CTNNA3: variants seen among roughly 807,000 people sequenced by gnomAD.
The protein encoded by CTNNA3 is catenin alpha-3.
In CTNNA3, 76 loss-of-function variants were observed where a neutral mutation model predicts 95.7. The ratio of observed to expected loss-of-function variants is 0.79; its 90% CI spans 0.66 to 0.96. CTNNA3 has a LOEUF of 0.96. Ranked by LOEUF, CTNNA3 falls within the 40% of genes least tolerant of loss-of-function variation. CTNNA3 has a pLI of 0.00. For synonymous variants in CTNNA3, 431 were observed against 374.4 expected (o/e 1.15, Z -1.74); for missense variants, 1,191 against 1,089.8 (o/e 1.09, Z -1.31).
chr10:66,070,543 T>G (rs2080413400), intron 14 of CTNNA3, among the ~76,000 whole-genome samples: 1 of 152,182 alleles, frequency 6.6e-6, no homozygotes, highest in Non-Finnish European at 1.5e-5. Flanking sequence ...TCTGTGATTC[T>G]ATTTATTAGA....
chr10:67,100,828 A>G lies in CTNNA3; in HGVS notation c.1047+79489T>C, dbSNP rs943700884. On this transcript the variant is annotated intron_variant, in intron 7 of 17. Transcript: ENST00000433211. ...AGAAATTGAGCTCTTACCCCAAAAC[A>G]CAGGGCCAATAATTGGTGCAGTTGA... is the stretch of plus-strand genomic sequence containing the variant. Among the ~76,000 whole-genome samples the G allele has an allele frequency of 7.9e-5, 12 of 151,760 alleles. 1 individual carries two copies. The East Asian group carries it at 1.9e-3, about 25-fold the overall frequency.
intron 13 of CTNNA3, among the ~76,000 whole-genome samples, chr10:66,236,959 T>TA (rs57353041): frequency 0.34 from 50,395 of 148,522 alleles, 8,986 homozygotes; most frequent in East Asian, 0.43. Flanking sequence ...CACTAAAAAT[T>TA]AAAAAAAAAA....
At chr10:66,902,350 TG>T (rs1845787695) in intron 7 of CTNNA3, among the ~76,000 whole-genome samples, 2 of 152,032 alleles carry the variant, frequency 1.3e-5, no homozygotes, top group African/African-American at 4.8e-5. Context: ...AAAGACACAA[TG>T]TACCAGAATT....
chr10:66,962,896 G>A, intron 7 of CTNNA3, among the ~76,000 whole-genome samples: 1 of 152,024 alleles, frequency 6.6e-6, no homozygotes, highest in South Asian at 2.1e-4. Context: ...CCCCATAAAG[G>A]CTGAGATTTT....
chr10:66,370,807 T>C (rs1351829023), intron 12 of CTNNA3, among the ~76,000 whole-genome samples: 1 of 152,284 alleles, frequency 6.6e-6, no homozygotes, highest in East Asian at 1.9e-4. Context: ...ACTCCTGGGC[T>C]CAAGTGATCC....
At chr10:66,835,044 T>C (rs1842843841) in intron 7 of CTNNA3, among the ~76,000 whole-genome samples, 1 of 152,066 alleles carries the variant, frequency 6.6e-6, no homozygotes, top group African/African-American at 2.4e-5. Flanking sequence ...TCTGACACAA[T>C]AGCAAAGTAC....
At chr10:67,279,727 C>T (rs551599095) in intron 5 of CTNNA3, among the ~76,000 whole-genome samples, 8 of 150,312 alleles carry the variant, frequency 5.3e-5, no homozygotes, top group Admixed American at 1.3e-4. Context: ...ATTGGGGTCC[C>T]GAGTTTCTAC....
chr10:65,972,750 C>T (rs1330125518), intron 16 of CTNNA3, among the ~76,000 whole-genome samples: 2 of 151,992 alleles, frequency 1.3e-5, no homozygotes, highest in African/African-American at 4.8e-5. Context: ...GAATGAATAT[C>T]GTTAAAATGG....
chr10:67,481,551 A>G (rs576572611), intron 5 of CTNNA3, among the ~76,000 whole-genome samples: 1 of 152,262 alleles, frequency 6.6e-6, no homozygotes, highest in African/African-American at 2.4e-5. Flanking sequence ...ACCAAAAGAA[A>G]AGCAAAAAAC....
chr10:66,073,178 C>T (rs73310126), intron 14 of CTNNA3, among the ~76,000 whole-genome samples: 3,454 of 152,148 alleles, frequency 0.023, 131 homozygotes, highest in African/African-American at 0.079. Context: ...TTCATTTAGA[C>T]AGGAGGAATA....
intron 12 of CTNNA3, among the ~76,000 whole-genome samples, chr10:66,290,793 GTC>G (rs1370726738): frequency 6.6e-6 from 1 of 152,118 alleles, no homozygotes; most frequent in African/African-American, 2.4e-5. Flanking sequence ...ACAGAAGTGA[GTC>G]ACAAATTATT....
intron 11 of CTNNA3, among the ~76,000 whole-genome samples, chr10:66,445,983 A>G (rs1474121356): frequency 6.6e-6 from 1 of 152,186 alleles, no homozygotes; most frequent in Non-Finnish European, 1.5e-5. Flanking sequence ...AAAAAATGAT[A>G]AAGGGGATAT....
intron 5 of CTNNA3, among the ~76,000 whole-genome samples, chr10:67,267,923 A>G (rs1293179984): frequency 6.6e-6 from 1 of 152,184 alleles, no homozygotes; most frequent in Non-Finnish European, 1.5e-5. Flanking sequence ...TAAATATCAG[A>G]AGAAAGAGCC....
At chr10:66,394,579 A>T (rs2092960378) in intron 11 of CTNNA3, among the ~76,000 whole-genome samples, 1 of 151,444 alleles carries the variant, frequency 6.6e-6, no homozygotes, top group Admixed American at 6.6e-5. Flanking sequence ...AAAGAAGAAG[A>T]AATCTTTCAG....
intron 16 of CTNNA3, among the ~76,000 whole-genome samples, chr10:65,974,547 T>C (rs1467059623): frequency 6.6e-6 from 1 of 152,072 alleles, no homozygotes; most frequent in African/African-American, 2.4e-5. Flanking sequence ...GAATGGGTAA[T>C]GATGGACATA....
intron 3 of CTNNA3, among the ~76,000 whole-genome samples, chr10:67,581,175 G>A (rs1474356142): frequency 6.6e-6 from 1 of 152,152 alleles, no homozygotes; most frequent in Non-Finnish European, 1.5e-5. Flanking sequence ...CGCCCATTCA[G>A]TATGATATTG....
At chr10:66,311,856 A>G (rs1418455474) in intron 12 of CTNNA3, among the ~76,000 whole-genome samples, 1 of 152,136 alleles carries the variant, frequency 6.6e-6, no homozygotes, top group African/African-American at 2.4e-5. Flanking sequence ...AACTTCTCCT[A>G]TCTCCTGACC....
intron 13 of CTNNA3, among the ~76,000 whole-genome samples, chr10:66,215,934 G>C (rs1204564418): frequency 6.6e-6 from 1 of 152,160 alleles, no homozygotes; most frequent in Admixed American, 6.5e-5. Flanking sequence ...TTTTTGTACA[G>C]ATTTCAGAAG....
chr10:66,987,869 G>A (rs10762123), intron 7 of CTNNA3, among the ~76,000 whole-genome samples: 9 of 151,898 alleles, frequency 5.9e-5, no homozygotes, highest in African/African-American at 2.2e-4. Context: ...AGTTTACAAT[G>A]AATTAAAGGA....
Sources: gnomAD v4.1 joint callset for allele counts (sites outside exome capture counted in the v4.1 genomes callset) on GRCh38, gnomAD v4.1.1 for gene constraint, MANE v1.5 for transcripts, NCBI Gene and HGNC (gene_info 2026-07-23, HGNC 2026-07-21) for gene names.